PKD2L2: variants seen among roughly 807,000 people sequenced by gnomAD.
PKD2L2 encodes polycystin 2 like 2, transient receptor potential cation channel.
In PKD2L2, 67 loss-of-function variants were observed where a neutral mutation model predicts 83.9. The observed-to-expected ratio is 0.80, with a 90% CI of 0.66 to 0.98. The LOEUF (loss-of-function observed/expected upper bound fraction) is 0.98, where lower values mean the gene tolerates loss of function less well. PKD2L2 is among the 50% of genes least tolerant of loss of function. The pLI, the probability that PKD2L2 is intolerant of heterozygous loss-of-function variation, is 0.00. For synonymous variants in PKD2L2, 223 were observed against 237.8 expected (o/e 0.94, Z 0.57); for missense variants, 632 against 717.2 (o/e 0.88, Z 1.36).
In PKD2L2 at chr5:137,908,828, G is replaced by A. The variant is rs1880458; in HGVS notation, c.1210G>A (p.Val404Ile). The A allele has an allele frequency of 0.78, 1,243,377 of 1,593,044 alleles. 488,411 individuals are homozygous for A. Among genetic ancestry groups the A allele is most frequent in the East Asian group, 0.97 (43,235 of 44,628 alleles). Residue 404 changes from valine (V) to isoleucine (I), a missense_variant, in exon 8 of 15, where the codon GTT (valine) becomes ATT (isoleucine). By Grantham distance (29) the Val-to-Ile change is conservative. Around this residue, in one of 3 missense-constraint regions of PKD2L2, gnomAD observed 399 missense variants for 416.9 expected, o/e 0.96. Coordinates refer to ENST00000508883, the MANE Select transcript of PKD2L2 (RefSeq NM_001300921.2). The stretch of plus-strand genomic sequence containing the variant: ...GCTGTCATCAACCTTGTCCCGTTGT[G>A]TTAAAGACATAGTAGGATTTGCCAT... ...SQLSSTLSRC[V>I]KDIVGFAIMF...
chr5:137,917,704 GC>G (rs1758506024), intron 8 of PKD2L2, among the ~76,000 whole-genome samples: 1 of 151,680 alleles, frequency 6.6e-6, no homozygotes, highest in Non-Finnish European at 1.5e-5. Context: ...AGTTCTTTCA[GC>G]ATCTTTAAGA....
chr5:137,900,663 T>C (rs764191862), intron 5 of PKD2L2, among the ~76,000 whole-genome samples: 8 of 152,222 alleles, frequency 5.3e-5, no homozygotes, highest in Non-Finnish European at 1.0e-4. Context: ...TACCTTTTTA[T>C]CTCATTGAAA....
chr5:137,917,601 T>C (rs577761275), intron 8 of PKD2L2, among the ~76,000 whole-genome samples: 10 of 152,316 alleles, frequency 6.6e-5, no homozygotes, highest in African/African-American at 2.2e-4. Flanking sequence ...TTATTATTTT[T>C]CCATCTTATA....
chr5:137,917,444 G>A (rs1241387355), intron 8 of PKD2L2, among the ~76,000 whole-genome samples: 2 of 152,056 alleles, frequency 1.3e-5, no homozygotes, highest in South Asian at 2.1e-4. Context: ...GATTACAAGC[G>A]TGAGCCACCC....
chr5:137,900,652 A>ATACCTTT, intron 5 of PKD2L2, among the ~76,000 whole-genome samples: 1 of 152,262 alleles, frequency 6.6e-6, no homozygotes, highest in East Asian at 1.9e-4. Context: ...TTTTTGCAAA[A>ATACCTTT]TACCTTTTTA....
Position 137,932,900 on chromosome 5 carries a change from A to G in PKD2L2, c.1672-2897A>G, listed in dbSNP as rs77060603. Among the ~76,000 whole-genome samples, 770 of 152,228 alleles carry G rather than the reference A, an allele frequency of 5.1e-3. 5 individuals carry two copies. Among genetic ancestry groups the G allele is most frequent in the African/African-American group, 0.017 (713 of 41,528 alleles). ...ACACTTCAGATTTCCGATTAGGGAT[A>G]CTCAATCTGTACTTCTTGAGTGGGT... On this transcript the variant is annotated intron_variant, in intron 12 of 14. Transcript: ENST00000508883.
rs746854745 is a variant in PKD2L2, at chr5:137,935,874, T to C, written c.1749T>C (p.Asp583=). ...AGTATTATTCTATGGAAATTCAAGA[T>C]GACTACCAGCCTGTCACTCAAGAAG... ...EKKYYSMEIQ[D]DYQPVTQEEF... Residue 583 remains aspartate, a synonymous_variant, in exon 13 of 15, where the codon GAT becomes GAC. Coordinates refer to ENST00000508883, the MANE Select transcript of PKD2L2 (RefSeq NM_001300921.2). 7.5e-6 allele frequency: 12 copies of C among 1,604,572 alleles called. No homozygotes were observed. Among genetic ancestry groups the C allele is most frequent in the Non-Finnish European group, 8.5e-7 (1 of 1,171,462 alleles).
At chr5:137,912,870 T>C (rs559013943) in intron 8 of PKD2L2, among the ~76,000 whole-genome samples, 2 of 145,756 alleles carry the variant, frequency 1.4e-5, no homozygotes, top group Non-Finnish European at 3.0e-5. Flanking sequence ...AATGGTGTGA[T>C]CTCAGCTCAC....
chr5:137,921,241 A>ATCCCAGCTACTTGGGAG (rs1490688508), intron 8 of PKD2L2, among the ~76,000 whole-genome samples: 9 of 151,818 alleles, frequency 5.9e-5, no homozygotes, highest in African/African-American at 2.2e-4. Flanking sequence ...CACACCTGTA[A>ATCCCAGCTACTTGGGAG]TCCCAGCTAC....
At chr5:137,934,210 C>G (rs1339755594) in intron 12 of PKD2L2, among the ~76,000 whole-genome samples, 1 of 152,068 alleles carries the variant, frequency 6.6e-6, no homozygotes, top group East Asian at 1.9e-4. Flanking sequence ...GAGCTTGGAG[C>G]AAGGGTCACC....
chr5:137,940,296 T>C lies in PKD2L2; in HGVS notation c.*18-2088T>C. ...AGCCTAAGCTTGGCTTTAATTTTCT[T>C]GTACTCTCTGTACTCCTCAAGCACT... On this transcript the variant is annotated intron_variant, in intron 14 of 14. Coordinates refer to ENST00000508883, the MANE Select transcript of PKD2L2 (RefSeq NM_001300921.2). The C allele has an allele frequency of 6.2e-7, 1 of 1,608,974 alleles. No individual in the cohort carries two copies. Among genetic ancestry groups the C allele is most frequent in the East Asian group, 2.2e-5 (1 of 44,838 alleles).
intron 5 of PKD2L2, 33 bp from the exon 6 acceptor site, chr5:137,906,173 T>C: frequency 8.0e-7 from 1 of 1,257,052 alleles, no homozygotes; most frequent in East Asian, 2.3e-5. Context: ...ATGCTTGAAA[T>C]GAACAGTTGC....
At chr5:137,895,060 G>A (rs1279296622) in intron 4 of PKD2L2, among the ~76,000 whole-genome samples, 1 of 152,026 alleles carries the variant, frequency 6.6e-6, no homozygotes, top group East Asian at 1.9e-4. Flanking sequence ...TACTAAAATG[G>A]GGCAGTTATG....
chr5:137,905,814 G>A (rs1338110668), intron 5 of PKD2L2, among the ~76,000 whole-genome samples: 1 of 152,010 alleles, frequency 6.6e-6, no homozygotes, highest in Non-Finnish European at 1.5e-5. Context: ...TGTATATTGG[G>A]GAAGAGTTTT....
At chr5:137,933,940 G>T (rs1306130691) in intron 12 of PKD2L2, among the ~76,000 whole-genome samples, 1 of 152,128 alleles carries the variant, frequency 6.6e-6, no homozygotes, top group Non-Finnish European at 1.5e-5. Flanking sequence ...GTCAATTGTT[G>T]TGCCCCTTGG....
chr5:137,913,736 C>G (rs1272173469), intron 8 of PKD2L2, among the ~76,000 whole-genome samples: 1 of 151,868 alleles, frequency 6.6e-6, no homozygotes, highest in Non-Finnish European at 1.5e-5. Context: ...TTTTTAGAAA[C>G]TAGGTCTCAC....
intron 3 of PKD2L2, among the ~76,000 whole-genome samples, chr5:137,893,725 C>T (rs17601227): frequency 2.6e-5 from 4 of 152,002 alleles, no homozygotes; most frequent in East Asian, 1.9e-4. Flanking sequence ...CAAGGAGACA[C>T]GGTCATTTCC....
chr5:137,939,904 C>A, intron 14 of PKD2L2: 1 of 1,327,324 alleles, frequency 7.5e-7, no homozygotes, highest in East Asian at 2.9e-5. Context: ...CTTGCATTTC[C>A]AAAGTTCTTG....
intron 6 of PKD2L2, 31 bp from the exon 7 acceptor site, chr5:137,907,711 C>T: frequency 1.5e-6 from 2 of 1,320,178 alleles, no homozygotes; most frequent in Non-Finnish European, 2.0e-6. Flanking sequence ...GAGATATTCT[C>T]TAATTTAACC....
Sources: allele counts gnomAD v4.1 joint callset (sites outside exome capture counted in the v4.1 genomes callset), GRCh38; gene constraint gnomAD v4.1.1; regional missense constraint gnomAD v4.1.1; transcripts MANE v1.5; gene names NCBI Gene and HGNC (gene_info 2026-07-23, HGNC 2026-07-21).